EPG5: variants seen among roughly 807,000 people sequenced by gnomAD.
EPG5 encodes the protein ectopic P granules protein 5 homolog.
A neutral mutation model predicts 302.7 loss-of-function variants in EPG5; 159 were observed. The ratio of observed to expected loss-of-function variants is 0.53; its 90% CI spans 0.46 to 0.60. EPG5 has a LOEUF of 0.60. EPG5 is among the 20% of genes least tolerant of loss of function. The pLI, the probability that EPG5 is intolerant of heterozygous loss-of-function variation, is 0.00. For synonymous variants in EPG5, 1,158 were observed against 1,136.8 expected (o/e 1.02, Z -0.37); for missense variants, 2,896 against 3,092.4 (o/e 0.94, Z 1.51).
Position 45,928,937 on chromosome 18 carries a change from C to T in EPG5, c.2485G>A (p.Ala829Thr), listed in dbSNP as rs768644448. 2 of 1,613,966 alleles carry T rather than the reference C, an allele frequency of 1.2e-6. No individual in the cohort carries two copies. The highest frequency in any genetic ancestry group is 1.1e-5 in the South Asian group (1 of 91,068). Reference protein sequence around the residue: ...VGRELLGTITAVHPEIISVLL... With the variant: ...VGRELLGTITTVHPEIISVLL... ...ACGGAAATTATCTCAGGGTGAACAG[C>T]TGTGATAGTCCCTAAAAGCTCTCGA... Residue 829 changes from alanine to threonine, a missense_variant, in exon 13 of 44, where the codon GCT becomes ACT. Physicochemically the swap from Ala to Thr is moderately conservative, Grantham distance 58. Transcript: ENST00000282041.
At position 45,866,984 on chromosome 18, in the gene EPG5, A is replaced by T; in HGVS notation, c.6435T>A (p.Leu2145=). 1 of 1,614,118 alleles carries T rather than the reference A, an allele frequency of 6.2e-7. No homozygotes were observed. Among genetic ancestry groups the T allele is most frequent in the South Asian group, 1.1e-5 (1 of 91,084 alleles). ...DQTDSPLLSL[L]GQTSSLSWHL... ...GCCATGAAAGTGAGCTTGTCTGTCC[A>T]AGGAGACTAAGTAAAGGTGAATCCT... The change falls in exon 38 of 44, where the codon CTT becomes CTA. Residue 2145 remains leucine (L), a synonymous_variant. Coordinates refer to ENST00000282041, the MANE Select transcript of EPG5 (RefSeq NM_020964.3).
intron 3 of EPG5, 119 bp downstream of exon 3, chr18:45,952,281 C>T: frequency 7.9e-7 from 1 of 1,272,870 alleles, no homozygotes; most frequent in Non-Finnish European, 1.1e-6. Context: ...CCTGGTAAAA[C>T]TGCAAGCACA....
intron 16 of EPG5, among the ~76,000 whole-genome samples, chr18:45,918,779 T>G (rs1056684868): frequency 6.6e-6 from 1 of 152,144 alleles, no homozygotes. Flanking sequence ...ACATAAAATT[T>G]TATACTCATG....
intron 43 of EPG5, among the ~76,000 whole-genome samples, chr18:45,854,139 T>C (rs2048467776): frequency 6.6e-6 from 1 of 152,190 alleles, no homozygotes; most frequent in Admixed American, 6.5e-5. Context: ...TGCATCTCAC[T>C]GACTTCACAA....
In EPG5 at chr18:45,901,155, AC is replaced by A. The variant is rs1278398819; in HGVS notation, c.4486del (p.Val1496PhefsTer2). On this transcript the variant is annotated frameshift_variant, in exon 26 of 44. Coordinates refer to ENST00000282041, the MANE Select transcript of EPG5 (RefSeq NM_020964.3). LOFTEE classifies it high-confidence loss of function. ...FTDPLLAKER[V>X]LSNLRKHEAP... is the part of the protein sequence containing the mutation. ...CTCATGCTTCCGCAAGTTACTTAAA[AC>A]CCTTTCTTTAGCTGAAAGAAAATTA... 6.2e-7 allele frequency: 1 copy of A among 1,613,878 alleles called. No homozygotes were observed. The highest frequency in any genetic ancestry group is 8.5e-7 in the Non-Finnish European group (1 of 1,179,956).
intron 22 of EPG5, among the ~76,000 whole-genome samples, chr18:45,911,692 C>CTCCCAAAG (rs995340823): frequency 1.3e-5 from 2 of 152,158 alleles, no homozygotes; most frequent in African/African-American, 4.8e-5. Context: ...CCTCCTTGGC[C>CTCCCAAAG]TCCCAAAGTG....
In EPG5 at chr18:45,909,692, A is replaced by C. The variant is rs140736265; in HGVS notation, c.4205+829T>G. Among the ~76,000 whole-genome samples the C allele has an allele frequency of 2.0e-5, 3 of 152,290 alleles. No individual in the cohort carries two copies. In the East Asian group the frequency reaches 5.8e-4, roughly 29 times the overall value. On this transcript the variant is annotated intron_variant, in intron 23 of 43. Transcript: ENST00000282041. ...TGTACCCTGATTTTATAGGGCACAT[A>C]TTTTTGGGAGATTACTAGACCCCTC...
chr18:45,855,587 G>C lies in EPG5; in HGVS notation c.7543C>G (p.Pro2515Ala). Residue 2515 changes from proline (P) to alanine (A), a missense_variant, in exon 43 of 44, where the codon CCC becomes GCC. Physicochemically the swap from Pro to Ala is conservative, Grantham distance 27. Around this residue, in one of 5 missense-constraint regions of EPG5, gnomAD observed 620 missense variants for 704.2 expected, o/e 0.88. Coordinates refer to ENST00000282041, the MANE Select transcript of EPG5 (RefSeq NM_020964.3). The stretch of plus-strand genomic sequence containing the variant: ...TATATACTGACCTGCTGAGCTTTGG[G>C]GGTCAGATGTAATTCAGAGCCAGGC... ...LRPGSELHLT[P>A]KAQQALNALE... 6.2e-7 allele frequency: 1 copy of C among 1,613,616 alleles called. No homozygotes were observed. The highest frequency in any genetic ancestry group is 8.5e-7 in the Non-Finnish European group (1 of 1,179,590).
In EPG5 at chr18:45,955,314, G is replaced by A; in HGVS notation, c.88C>T (p.Gln30Ter). The A allele has an allele frequency of 6.3e-7, 1 of 1,586,246 alleles. No individual in the cohort carries two copies. The highest frequency in any genetic ancestry group is 8.6e-7 in the Non-Finnish European group (1 of 1,167,792). Residue 30 changes from glutamine (Q) to a stop codon, truncating the protein, a stop_gained, in exon 2 of 44, where the codon CAG (glutamine) becomes TAG (stop). Coordinates refer to ENST00000282041, the MANE Select transcript of EPG5 (RefSeq NM_020964.3). LOFTEE classifies it high-confidence loss of function. ...TKEKKKYETP[Q>*]REESSEVSLP... The stretch of plus-strand genomic sequence containing the variant: ...GAGACTTCACTGGACTCTTCCCTCT[G>A]AGGAGTTTCATACTTCTTCTTTTCC...
chr18:45,869,408 A>C (rs2145297510), intron 36 of EPG5, among the ~76,000 whole-genome samples: 1 of 152,328 alleles, frequency 6.6e-6, no homozygotes, highest in East Asian at 1.9e-4. Flanking sequence ...CAAGACACAA[A>C]GAATTAAAAG....
rs1356523843 is a variant in EPG5 at position 45,858,117 on chromosome 18, C to T, written c.7227-49G>A. ...TAAAATTAGAAGTAAATTTTTCCCA[C>T]TCCCATTTAACTGCAAGTCCACATC... On this transcript the variant is annotated intron_variant, in intron 41 of 43. Coordinates refer to ENST00000282041, the MANE Select transcript of EPG5 (RefSeq NM_020964.3). 3.5e-6 allele frequency: 5 copies of T among 1,449,186 alleles called. No homozygotes were observed. In the Admixed American group the frequency reaches 9.0e-5, roughly 26 times the overall value. The allele number at this position is 1,449,186 out of a possible 1,614,324, so 89.8% of individuals were successfully genotyped here.
chr18:45,840,104 C>A, the EPG5 span: 1 of 1,271,890 alleles, frequency 7.9e-7, no homozygotes, highest in Non-Finnish European at 1.1e-6. Flanking sequence ...GCTTCAAAAA[C>A]AGTGGTTTCC....
At chr18:45,937,277 CATAT>C (rs1270057300) in intron 10 of EPG5, among the ~76,000 whole-genome samples, 2 of 116,098 alleles carry the variant, frequency 1.7e-5, no homozygotes, top group African/African-American at 6.8e-5. Flanking sequence ...CACACACACA[CATAT>C]GTATACACAC....
the EPG5 span, among the ~76,000 whole-genome samples, chr18:45,824,215 ATTTTTTT>A: frequency 6.6e-6 from 1 of 150,738 alleles, no homozygotes; most frequent in South Asian, 2.1e-4. Context: ...GAACTTTTTT[ATTTTTTT>A]TTGAGACGGA....
chr18:45,824,399 T>G, the EPG5 span, among the ~76,000 whole-genome samples: 4 of 152,138 alleles, frequency 2.6e-5, no homozygotes, highest in African/African-American at 7.2e-5. Flanking sequence ...GTAGAGACGG[T>G]GTTTCACCGT....
At chr18:45,916,322 C>T in intron 18 of EPG5, 116 bp from the exon 19 acceptor site, 2 of 1,528,276 alleles carry the variant, frequency 1.3e-6, no homozygotes, top group Non-Finnish European at 1.8e-6. Context: ...CCTTTCTTGG[C>T]CAAAAGCACA....
downstream of EPG5, chr18:45,847,600 C>T (rs1039429275): frequency 6.6e-6 from 1 of 152,378 alleles, no homozygotes; most frequent in Non-Finnish European, 1.5e-5. Flanking sequence ...GAGACAGGCC[C>T]GCCATGTGTA....
chr18:45,966,002 G>A (rs1321916451), intron 1 of EPG5, among the ~76,000 whole-genome samples: 2 of 151,736 alleles, frequency 1.3e-5, no homozygotes, highest in African/African-American at 4.8e-5. Context: ...GCGGTGAGCC[G>A]AGATTGCACT....
chr18:45,949,716 A>C, intron 4 of EPG5, 125 bp from the exon 5 acceptor site: 1 of 569,310 alleles, frequency 1.8e-6, no homozygotes, highest in South Asian at 2.7e-5. Flanking sequence ...AACCAGACAC[A>C]AGATATACTA....
Sources: allele counts gnomAD v4.1 joint callset (sites outside exome capture counted in the v4.1 genomes callset), GRCh38; gene constraint gnomAD v4.1.1; regional missense constraint gnomAD v4.1.1; transcripts MANE v1.5; gene names NCBI Gene and HGNC (gene_info 2026-07-23, HGNC 2026-07-21).